Variants in ST18 observed in about 807,000 individuals in gnomAD.
ST18 encodes the protein ST18 C2H2C-type zinc finger transcription factor.
ST18 carries 50 observed loss-of-function variants against 110.0 expected under a neutral mutation model. That is an observed-to-expected ratio of 0.45 (90% confidence interval 0.36 to 0.58). The LOEUF is 0.58. ST18 is among the 20% of genes least tolerant of loss of function. ST18 has a pLI of 0.00. For missense variants in ST18, 1,306 were observed against 1,280.1 expected, an observed-to-expected ratio of 1.02 and a Z score of -0.31; for synonymous variants, 461 against 452.4, an observed-to-expected ratio of 1.02 and a Z score of -0.24.
intron 2 of ST18, among the ~76,000 whole-genome samples, chr8:52,327,654 C>T (rs1196132125): frequency 6.6e-6 from 1 of 152,086 alleles, no homozygotes; most frequent in African/African-American, 2.4e-5. Flanking sequence ...TTGCAATTGA[C>T]CAGTAATTGT....
At chr8:52,127,036 C>A (rs1021390131) in intron 22 of ST18, among the ~76,000 whole-genome samples, 2 of 152,206 alleles carry the variant, frequency 1.3e-5, no homozygotes, top group African/African-American at 4.8e-5. Flanking sequence ...TAGTGATGAT[C>A]ATAATCAGTC....
At chr8:52,408,234 A>G (rs1845193879) in intron 2 of ST18, among the ~76,000 whole-genome samples, 1 of 152,242 alleles carries the variant, frequency 6.6e-6, no homozygotes. Flanking sequence ...ATAGCTTACA[A>G]GAGAATCACT....
rs141673966 is a variant in ST18, at chr8:52,171,980, C to T, written c.881G>A (p.Ser294Asn). 1.1e-4 allele frequency: 178 copies of T among 1,614,232 alleles called. 1 individual carries two copies. In the African/African-American group the frequency reaches 2.3e-3, roughly 21 times the overall value. The change falls in exon 10 of 26, where the codon AGT becomes AAT. Residue 294 changes from serine (S) to asparagine (N), a missense_variant. Transcript: ENST00000689386. ...ATTCCCCTTGGCCTTTTCCAGGTCA[C>T]TACCCTCTTCCGTCATTACTGCCAG... ...ESLAVMTEEG[S>N]DLEKAKGNLS...
At chr8:52,290,813 C>T (rs936165681) in intron 2 of ST18, among the ~76,000 whole-genome samples, 1 of 152,208 alleles carries the variant, frequency 6.6e-6, no homozygotes, top group African/African-American at 2.4e-5. Context: ...ACCTCACGGC[C>T]TCTTGTGCTT....
chr8:52,333,175 A>G (rs1810398937), intron 2 of ST18, among the ~76,000 whole-genome samples: 1 of 152,126 alleles, frequency 6.6e-6, no homozygotes, highest in African/African-American at 2.4e-5. Context: ...TGAGATACAT[A>G]TTTGAGGTAT....
At chr8:52,285,233 G>A (rs1253340294) in intron 2 of ST18, among the ~76,000 whole-genome samples, 1 of 152,090 alleles carries the variant, frequency 6.6e-6, no homozygotes, top group Admixed American at 6.5e-5. Context: ...TTGCCATAAC[G>A]CTTGATTCTG....
intron 22 of ST18, among the ~76,000 whole-genome samples, chr8:52,130,114 GAAAGAAAA>G (rs767201698): frequency 9.1e-6 from 1 of 109,636 alleles, no homozygotes; most frequent in African/African-American, 3.4e-5. Flanking sequence ...AAGAAAGAAA[GAAAGAAAA>G]GAAAGAAAGA....
At chr8:52,297,089 T>A (rs2095647133) in intron 2 of ST18, among the ~76,000 whole-genome samples, 1 of 152,198 alleles carries the variant, frequency 6.6e-6, no homozygotes, top group South Asian at 2.1e-4. Flanking sequence ...CCAACTCATA[T>A]AAGAATCTGT....
intron 2 of ST18, 101 bp from the exon 3 acceptor site, chr8:52,230,178 C>T (rs889802135): frequency 1.3e-5 from 2 of 152,172 alleles, no homozygotes; most frequent in African/African-American, 2.4e-5. Flanking sequence ...TAAAACCATC[C>T]TTTCAAGTAA....
intron 9 of ST18, among the ~76,000 whole-genome samples, chr8:52,177,999 CAT>C (rs1056067470): frequency 1.3e-5 from 2 of 152,146 alleles, no homozygotes; most frequent in African/African-American, 4.8e-5. Flanking sequence ...GAAATATAAA[CAT>C]AGTTAGCCTA....
chr8:52,285,645 A>C (rs1046734349), intron 2 of ST18, among the ~76,000 whole-genome samples: 1 of 152,166 alleles, frequency 6.6e-6, no homozygotes, highest in Non-Finnish European at 1.5e-5. Context: ...AGAATTTGAA[A>C]CCACAGAGCC....
intron 19 of ST18, among the ~76,000 whole-genome samples, chr8:52,133,945 G>T (rs1467700626): frequency 1.3e-5 from 2 of 152,124 alleles, no homozygotes; most frequent in Non-Finnish European, 2.9e-5. Context: ...TGGCCAGGCT[G>T]ATCTCAAACT....
rs60638852 is a variant in ST18 at position 52,384,786 on chromosome 8, G to GGTGTGTGT, written c.-465+24534_-465+24541dup. ...ATTCATTCCCCTATGTGTGTACACAGGTGTGTGTGTGTGTGTGTGTGTGTG... is the reference window on the plus strand; with the variant it reads ...ATTCATTCCCCTATGTGTGTACACAGGTGTGTGTGTGTGTGTGTGTGTGTGTGTGTGTG... On this transcript the variant is annotated intron_variant, in intron 2 of 25. Transcript: ENST00000689386. 1.0e-3 allele frequency among the ~76,000 whole-genome samples: 150 copies of GGTGTGTGT among 147,480 alleles called. 2 individuals carry two copies. Among genetic ancestry groups the GGTGTGTGT allele is most frequent in the South Asian group, 9.3e-3 (42 of 4,536 alleles).
intron 8 of ST18, among the ~76,000 whole-genome samples, chr8:52,191,852 A>G (rs1363080337): frequency 1.3e-5 from 2 of 152,160 alleles, no homozygotes; most frequent in Non-Finnish European, 2.9e-5. Context: ...CAAGGAGATG[A>G]ATGGTTTAAC....
At chr8:52,113,622 T>G (rs2041263444) in intron 25 of ST18, among the ~76,000 whole-genome samples, 1 of 152,184 alleles carries the variant, frequency 6.6e-6, no homozygotes, top group African/African-American at 2.4e-5. Flanking sequence ...ACAAAACTTT[T>G]CTACTTCTCT....
intron 2 of ST18, among the ~76,000 whole-genome samples, chr8:52,251,540 T>C (rs1196743170): frequency 6.6e-6 from 1 of 152,078 alleles, no homozygotes; most frequent in Non-Finnish European, 1.5e-5. Flanking sequence ...TTGGGAATGA[T>C]TGGTTATTGT....
chr8:52,371,894 A>G (rs544284685), intron 2 of ST18, among the ~76,000 whole-genome samples: 25 of 152,354 alleles, frequency 1.6e-4, no homozygotes, highest in Non-Finnish European at 3.4e-4. Flanking sequence ...TATACAGTCT[A>G]TAATACTTGA....
At chr8:52,240,785 G>C (rs2093327033) in intron 2 of ST18, among the ~76,000 whole-genome samples, 1 of 152,100 alleles carries the variant, frequency 6.6e-6, no homozygotes, top group Non-Finnish European at 1.5e-5. Flanking sequence ...GATTTTCAGA[G>C]CAACTCACAT....
chr8:52,337,603 A>G (rs1812732949), intron 2 of ST18, among the ~76,000 whole-genome samples: 1 of 152,210 alleles, frequency 6.6e-6, no homozygotes, highest in Non-Finnish European at 1.5e-5. Flanking sequence ...ACCTCAGATG[A>G]GCAGTGTGAA....
Sources: allele counts gnomAD v4.1 joint callset (sites outside exome capture counted in the v4.1 genomes callset), GRCh38; gene constraint gnomAD v4.1.1; transcripts MANE v1.5; gene names NCBI Gene and HGNC (gene_info 2026-07-23, HGNC 2026-07-21).